The following FAM227B variants were observed in gnomAD, a reference collection of about 807,000 sequenced individuals.
FAM227B encodes family with sequence similarity 227 member B.
In FAM227B, 88 loss-of-function variants were observed where a neutral mutation model predicts 73.8. That is an observed-to-expected ratio of 1.19 (90% confidence interval 1.00 to 1.42). The LOEUF is 1.42. Among genes scored for constraint, FAM227B ranks in the 40% most tolerant of loss-of-function variants. The pLI, the probability that FAM227B is intolerant of heterozygous loss-of-function variation, is 0.00. For missense variants in FAM227B, 632 were observed against 590.9 expected (o/e 1.07, Z -0.72); for synonymous variants, 210 against 190.5 (o/e 1.10, Z -0.84).
At chr15:49,357,931 A>G (rs1315592504) in intron 13 of FAM227B, among the ~76,000 whole-genome samples, 3 of 152,048 alleles carry the variant, frequency 2.0e-5, no homozygotes, top group Non-Finnish European at 4.4e-5. Context: ...GGCTGGTTCA[A>G]TATACACAAA....
chr15:49,559,115 GA>G (rs2074020544), intron 9 of FAM227B, among the ~76,000 whole-genome samples: 1 of 152,106 alleles, frequency 6.6e-6, no homozygotes, highest in Non-Finnish European at 1.5e-5. Context: ...ACTAGAATAT[GA>G]ATCTAAACTA....
chr15:49,575,128 G>C lies in FAM227B; in HGVS notation c.547-19C>G. On this transcript the variant is annotated intron_variant, in intron 7 of 15. Transcript: ENST00000299338. ...CTCTTTCCTATGGAAAAAAACAAGA[G>C]AGAGATGCATGGAGATTAAAATATA... 1 of 1,275,816 alleles carries C rather than the reference G, an allele frequency of 7.8e-7. No individual in the cohort carries two copies. Among genetic ancestry groups the C allele is most frequent in the Non-Finnish European group, 1.1e-6 (1 of 889,128 alleles). 79.0% of individuals were successfully genotyped at this position (1,275,816 alleles called of 1,614,324 possible).
intron 11 of FAM227B, among the ~76,000 whole-genome samples, chr15:49,475,466 G>A (rs1435252417): frequency 1.3e-5 from 2 of 152,096 alleles, no homozygotes; most frequent in Non-Finnish European, 2.9e-5. Context: ...ACAGAGATGG[G>A]AGCCTGTGAA....
chr15:49,365,401 A>G (rs892481160), intron 13 of FAM227B: 2 of 1,097,104 alleles, frequency 1.8e-6, no homozygotes, highest in African/African-American at 3.1e-5. Flanking sequence ...AACCAGTCTA[A>G]ACATCAACTC....
intron 13 of FAM227B, among the ~76,000 whole-genome samples, chr15:49,340,397 T>G (rs1596305706): frequency 2.8e-5 from 3 of 108,438 alleles, no homozygotes; most frequent in East Asian, 3.0e-4. Context: ...GGTGAGGCAG[T>G]GCCCCGCCCC....
At chr15:49,427,964 A>G (rs1331047810) in intron 11 of FAM227B, among the ~76,000 whole-genome samples, 1 of 152,020 alleles carries the variant, frequency 6.6e-6, no homozygotes, top group African/African-American at 2.4e-5. Context: ...CTTTAGTCTT[A>G]CCTTAATTAC....
chr15:49,574,429 G>A (rs1206850764), intron 8 of FAM227B, among the ~76,000 whole-genome samples: 1 of 152,134 alleles, frequency 6.6e-6, no homozygotes, highest in Non-Finnish European at 1.5e-5. Flanking sequence ...GTAATAGTCA[G>A]TGAGTTCTCA....
chr15:49,613,003 G>A (rs1005070005), intron 2 of FAM227B, among the ~76,000 whole-genome samples: 7 of 152,038 alleles, frequency 4.6e-5, no homozygotes, highest in South Asian at 2.1e-4. Context: ...GCCAGAGGCC[G>A]AGAAGGGTAG....
At chr15:49,557,662 G>A (rs952368472) in intron 9 of FAM227B, among the ~76,000 whole-genome samples, 3 of 152,168 alleles carry the variant, frequency 2.0e-5, no homozygotes, top group Admixed American at 2.0e-4. Context: ...GATGGAGAGT[G>A]GGGGAAGCTC....
chr15:49,365,373 CAT>C, intron 13 of FAM227B: 1 of 1,307,898 alleles, frequency 7.6e-7, no homozygotes, highest in Non-Finnish European at 1.1e-6. Context: ...GTAGAGGAAA[CAT>C]AGTATATATA....
intron 10 of FAM227B, among the ~76,000 whole-genome samples, chr15:49,517,120 C>G (rs1236156803): frequency 6.6e-6 from 1 of 152,176 alleles, no homozygotes; most frequent in Non-Finnish European, 1.5e-5. Context: ...TGTTATAAAT[C>G]ACTAAATGGC....
chr15:49,395,542 T>C (rs2047521532), intron 11 of FAM227B, among the ~76,000 whole-genome samples: 1 of 152,164 alleles, frequency 6.6e-6, no homozygotes, highest in African/African-American at 2.4e-5. Flanking sequence ...CAGAAGTACA[T>C]TACTATGGAA....
At chr15:49,470,991 A>C (rs1399867293) in intron 11 of FAM227B, among the ~76,000 whole-genome samples, 1 of 152,238 alleles carries the variant, frequency 6.6e-6, no homozygotes, top group East Asian at 1.9e-4. Context: ...TGTGCCTGAG[A>C]TGGTTACCAA....
At chr15:49,408,670 C>T (rs1375480038) in intron 11 of FAM227B, among the ~76,000 whole-genome samples, 1 of 152,122 alleles carries the variant, frequency 6.6e-6, no homozygotes, top group Non-Finnish European at 1.5e-5. Context: ...CATATTCAGT[C>T]TATTACTTAA....
At chr15:49,487,691 G>A (rs1037730917) in intron 11 of FAM227B, 3 of 151,938 alleles carry the variant, frequency 2.0e-5, no homozygotes, top group Non-Finnish European at 4.4e-5. Context: ...TAGTAGAGGT[G>A]TAAAATAAGA....
rs746625279 is a variant in FAM227B, at chr15:49,589,973, T to C, written c.140A>G (p.Asp47Gly). The stretch of plus-strand genomic sequence containing the variant: ...TTTCAGAGTGCATGACCATTTATCA[T>C]CATCTCTAAAATGGATTTCCCTTGG... ...YWPREIHFRD[D>G]DKWSCTLKKI... Residue 47 changes from aspartate (D) to glycine (G), a missense_variant, in exon 4 of 16, where the codon GAT becomes GGT. Coordinates refer to ENST00000299338, the MANE Select transcript of FAM227B (RefSeq NM_152647.3). The C allele has an allele frequency of 6.2e-7, 1 of 1,606,172 alleles. No homozygotes were observed. The highest frequency in any genetic ancestry group is 1.1e-5 in the South Asian group (1 of 90,722).
chr15:49,352,072 T>C (rs955736765), intron 13 of FAM227B, among the ~76,000 whole-genome samples: 1 of 152,172 alleles, frequency 6.6e-6, no homozygotes, highest in Non-Finnish European at 1.5e-5. Context: ...TCCTCATTTA[T>C]GTGTCTGGGG....
intron 11 of FAM227B, among the ~76,000 whole-genome samples, chr15:49,428,591 G>A (rs948071174): frequency 1.3e-5 from 2 of 151,928 alleles, no homozygotes; most frequent in Non-Finnish European, 2.9e-5. Context: ...GTATTGAGGT[G>A]CCGAGTGAGA....
chr15:49,527,296 A>T (rs1397841584), intron 10 of FAM227B, among the ~76,000 whole-genome samples: 1 of 151,958 alleles, frequency 6.6e-6, no homozygotes. Flanking sequence ...CCATCCAATC[A>T]TCTCAATATA....
Sources: allele counts gnomAD v4.1 joint callset (sites outside exome capture counted in the v4.1 genomes callset), GRCh38; gene constraint gnomAD v4.1.1; transcripts MANE v1.5; gene names NCBI Gene and HGNC (gene_info 2026-07-23, HGNC 2026-07-21).